STT3B: variants seen among roughly 807,000 people sequenced by gnomAD.
STT3B encodes the protein dolichyl-diphosphooligosaccharide--protein glycosyltransferase subunit STT3B.
A neutral mutation model predicts 96.8 loss-of-function variants in STT3B; 29 were observed. The ratio of observed to expected loss-of-function variants is 0.30; its 90% CI spans 0.22 to 0.41. STT3B has a LOEUF of 0.41. STT3B is among the 10% of genes least tolerant of loss of function. The pLI is 1.00. For missense variants in STT3B, 640 were observed against 1,022.3 expected (o/e 0.63, Z 5.10); for synonymous variants, 367 against 360.0 (o/e 1.02, Z -0.22).
At chr3:31,619,094 G>A (rs1028806087) in intron 8 of STT3B, among the ~76,000 whole-genome samples, 27 of 152,132 alleles carry the variant, frequency 1.8e-4, no homozygotes, top group Non-Finnish European at 3.1e-4. Context: ...TGTGTAAGGT[G>A]TAATTATTGG....
At chr3:31,602,470 C>T (rs1698950503) in intron 5 of STT3B, among the ~76,000 whole-genome samples, 1 of 151,802 alleles carries the variant, frequency 6.6e-6, no homozygotes, top group Non-Finnish European at 1.5e-5. Context: ...TATGAAATGC[C>T]ATGATTCAGG....
intron 1 of STT3B, among the ~76,000 whole-genome samples, chr3:31,556,213 T>TCA (rs1283388585): frequency 5.3e-5 from 8 of 152,188 alleles, no homozygotes; most frequent in African/African-American, 1.9e-4. Context: ...TCCATCCATG[T>TCA]TGCTGCAGAT....
intron 3 of STT3B, among the ~76,000 whole-genome samples, chr3:31,582,580 A>G (rs921684433): frequency 6.6e-6 from 1 of 151,846 alleles, no homozygotes; most frequent in Admixed American, 6.6e-5. Flanking sequence ...GGCATGAGCC[A>G]CCGCGCCCAG....
At chr3:31,609,169 A>G (rs566010950) in intron 5 of STT3B, among the ~76,000 whole-genome samples, 3 of 152,264 alleles carry the variant, frequency 2.0e-5, no homozygotes, top group East Asian at 3.9e-4. Context: ...TAGTGGCAAC[A>G]TGACTTGTGG....
At chr3:31,589,072 G>T (rs781078877) in intron 3 of STT3B, among the ~76,000 whole-genome samples, 8 of 152,146 alleles carry the variant, frequency 5.3e-5, no homozygotes, top group Non-Finnish European at 1.0e-4. Context: ...CATAAACATG[G>T]AATATCTCTC....
chr3:31,623,186 G>A (rs568306226), intron 10 of STT3B, among the ~76,000 whole-genome samples: 45 of 152,136 alleles, frequency 3.0e-4, no homozygotes, highest in Admixed American at 1.0e-3. Flanking sequence ...TAAGGTAATC[G>A]TAGTTTTAAC....
At chr3:31,616,835 G>T in intron 6 of STT3B, 94 bp from the exon 7 acceptor site, 1 of 1,116,066 alleles carries the variant, frequency 9.0e-7, no homozygotes, top group Non-Finnish European at 1.3e-6. Context: ...GATATGAATG[G>T]TGCAGGACAT....
At chr3:31,536,433 C>G (rs1280175636) in intron 1 of STT3B, among the ~76,000 whole-genome samples, 1 of 152,234 alleles carries the variant, frequency 6.6e-6, no homozygotes. Context: ...CATACCTTCC[C>G]TGACCTCTTT....
chr3:31,620,479 C>T (rs1465604342), intron 9 of STT3B, among the ~76,000 whole-genome samples: 1 of 152,040 alleles, frequency 6.6e-6, no homozygotes, highest in Non-Finnish European at 1.5e-5. Context: ...TTTTTAGGGA[C>T]ATTCATCTTC....
rs984947598 is a variant in STT3B, at chr3:31,617,886, A to G, written c.1124-54A>G. ...GCAATAAACATAAAGGCAATAAAAGATTTACAAAATAATAAAAAGGCAGAT... is the reference window on the plus strand; with the variant it reads ...GCAATAAACATAAAGGCAATAAAAGGTTTACAAAATAATAAAAAGGCAGAT... On this transcript the variant is annotated intron_variant, in intron 7 of 15. Transcript: ENST00000295770. 4.1e-6 allele frequency: 5 copies of G among 1,229,136 alleles called. No homozygotes were observed. In the African/African-American group the frequency reaches 6.0e-5, roughly 15 times the overall value. The allele number at this position is 1,229,136 out of a possible 1,614,324, so 76.1% of individuals were successfully genotyped here. A position where few individuals can be genotyped will look rare whatever the true frequency, so the allele number is the denominator to read the frequency against.
rs191334611 is a variant in STT3B at position 31,619,287 on chromosome 3, C to G, written c.1173-389C>G. ...TCTAAAATCTGAAACACTGCTGGTT[C>G]TAAGCATTTCAGATAAAGGATATTC... On this transcript the variant is annotated intron_variant, in intron 8 of 15. Coordinates refer to ENST00000295770, the MANE Select transcript of STT3B (RefSeq NM_178862.3). Among the ~76,000 whole-genome samples the G allele has an allele frequency of 2.2e-4, 34 of 152,254 alleles. No homozygotes were observed. The East Asian group carries it at 6.2e-3, about 28-fold the overall frequency.
chr3:31,584,404 A>G (rs1404757771), intron 3 of STT3B, among the ~76,000 whole-genome samples: 1 of 152,240 alleles, frequency 6.6e-6, no homozygotes, highest in East Asian at 1.9e-4. Context: ...CTTTGGCTAT[A>G]TGGGGTGCCT....
chr3:31,616,498 T>C lies in STT3B; in HGVS notation c.977-431T>C, dbSNP rs146186830. Among the ~76,000 whole-genome samples the C allele has an allele frequency of 7.0e-3, 1,071 of 152,060 alleles. 12 individuals carry two copies. Among genetic ancestry groups the C allele is most frequent in the African/African-American group, 0.024 (989 of 41,536 alleles). ...TCACATCTTATTACTCAGTTATAAA[T>C]AGTAACTATATATCAAGATTATCCT... is the stretch of plus-strand genomic sequence containing the variant. On this transcript the variant is annotated intron_variant, in intron 6 of 15. Coordinates refer to ENST00000295770, the MANE Select transcript of STT3B (RefSeq NM_178862.3).
rs1279072291 is a variant in STT3B at position 31,558,008 on chromosome 3, A to G, written c.315-18388A>G. Among the ~76,000 whole-genome samples the G allele has an allele frequency of 3.3e-5, 5 of 152,228 alleles. No homozygotes were observed. The East Asian group carries it at 7.7e-4, about 23-fold the overall frequency. On this transcript the variant is annotated intron_variant, in intron 1 of 15. Coordinates refer to ENST00000295770, the MANE Select transcript of STT3B (RefSeq NM_178862.3). The stretch of plus-strand genomic sequence containing the variant: ...TTGACATATAAAAATGAATCAGTAC[A>G]TGATTTTTATATGTCGATTTCGTAT...
intron 1 of STT3B, among the ~76,000 whole-genome samples, chr3:31,558,122 CA>C (rs1399318895): frequency 1.3e-5 from 2 of 152,216 alleles, no homozygotes; most frequent in Non-Finnish European, 2.9e-5. Flanking sequence ...AGGTGATATG[CA>C]AAGTGGGACA....
chr3:31,546,629 A>G (rs181511670), intron 1 of STT3B, among the ~76,000 whole-genome samples: 4 of 152,222 alleles, frequency 2.6e-5, no homozygotes, highest in Non-Finnish European at 5.9e-5. Context: ...GTTTAAGGTC[A>G]TCTTTGGAAA....
At position 31,543,301 on chromosome 3, in the gene STT3B, C is replaced by T. The variant is rs1381870577; in HGVS notation, c.314+9989C>T. ...GAGACTTAAGTTATTTGTTCTTTGC[C>T]AAAGTTGGTAAGGTACTGTTATGAT... is the stretch of plus-strand genomic sequence containing the variant. On this transcript the variant is annotated intron_variant, in intron 1 of 15. Coordinates refer to ENST00000295770, the MANE Select transcript of STT3B (RefSeq NM_178862.3). Among the ~76,000 whole-genome samples the T allele has an allele frequency of 2.6e-5, 4 of 152,100 alleles. No homozygotes were observed. In the East Asian group the frequency reaches 5.8e-4, roughly 22 times the overall value.
At chr3:31,572,015 C>CATATTAATATATATTAATATATTTGAT (rs1203144050) in intron 1 of STT3B, among the ~76,000 whole-genome samples, 1 of 131,954 alleles carries the variant, frequency 7.6e-6, no homozygotes, top group East Asian at 2.1e-4. Context: ...TTTTATTAAA[C>CATATTAATATATATTAATATATTTGAT]ATATTAATAT....
intron 1 of STT3B, among the ~76,000 whole-genome samples, chr3:31,569,724 T>C (rs1031808033): frequency 2.0e-5 from 3 of 152,128 alleles, no homozygotes; most frequent in African/African-American, 7.2e-5. Flanking sequence ...TCTTTTATTT[T>C]TATTTTGGTG....
Sources: allele counts gnomAD v4.1 joint callset (sites outside exome capture counted in the v4.1 genomes callset), GRCh38; gene constraint gnomAD v4.1.1; transcripts MANE v1.5; gene names NCBI Gene and HGNC (gene_info 2026-07-23, HGNC 2026-07-21).